The following XKR4 variants were observed in gnomAD, a reference collection of about 807,000 sequenced individuals.
XKR4 encodes XK-related protein 4.
A neutral mutation model predicts 53.9 loss-of-function variants in XKR4; 12 were observed. The ratio of observed to expected loss-of-function variants is 0.22; its 90% CI spans 0.14 to 0.36. The LOEUF (loss-of-function observed/expected upper bound fraction) is 0.36. XKR4 is among the 10% of genes least tolerant of loss of function. The pLI is 1.00. For synonymous variants in XKR4, 354 were observed against 362.4 expected, an observed-to-expected ratio of 0.98 and a Z score of 0.26; for missense variants, 799 against 859.5, an observed-to-expected ratio of 0.93 and a Z score of 0.88.
At chr8:55,147,965 G>C (rs1427664460) in intron 1 of XKR4, among the ~76,000 whole-genome samples, 1 of 152,188 alleles carries the variant, frequency 6.6e-6, no homozygotes, top group Non-Finnish European at 1.5e-5. Context: ...TGGACTCTCA[G>C]TGGGGACAGG....
intron 1 of XKR4, among the ~76,000 whole-genome samples, chr8:55,182,352 T>G (rs1459151700): frequency 1.3e-5 from 2 of 152,146 alleles, no homozygotes; most frequent in Non-Finnish European, 2.9e-5. Context: ...GCATTTCTTT[T>G]ATGGATCACA....
At chr8:55,279,520 G>A (rs939629108) in intron 1 of XKR4, among the ~76,000 whole-genome samples, 2 of 152,164 alleles carry the variant, frequency 1.3e-5, no homozygotes, top group South Asian at 2.1e-4. Flanking sequence ...CCTCTATTTT[G>A]TTATACATCA....
intron 1 of XKR4, among the ~76,000 whole-genome samples, chr8:55,268,505 G>A (rs761197239): frequency 2.6e-5 from 4 of 151,968 alleles, no homozygotes; most frequent in South Asian, 2.1e-4. Flanking sequence ...TAAAAATGCC[G>A]CATTACATAA....
intron 2 of XKR4, among the ~76,000 whole-genome samples, chr8:55,372,361 G>A (rs540418819): frequency 5.3e-5 from 8 of 152,240 alleles, no homozygotes; most frequent in Admixed American, 4.6e-4. Flanking sequence ...TAGCCAGTGT[G>A]GGAACTTAGA....
chr8:55,323,015 G>A (rs1803239401), intron 1 of XKR4, among the ~76,000 whole-genome samples: 1 of 152,052 alleles, frequency 6.6e-6, no homozygotes, highest in African/African-American at 2.4e-5. Flanking sequence ...CATTCAGTAT[G>A]ATGTTTTCTG....
intron 2 of XKR4, among the ~76,000 whole-genome samples, chr8:55,461,671 T>G (rs1805660338): frequency 6.6e-6 from 1 of 152,106 alleles, no homozygotes; most frequent in Non-Finnish European, 1.5e-5. Context: ...AACATCAAAC[T>G]ACTCTGAGCT....
intron 1 of XKR4, among the ~76,000 whole-genome samples, chr8:55,250,862 C>G (rs892522992): frequency 2.0e-5 from 3 of 152,116 alleles, no homozygotes; most frequent in Non-Finnish European, 2.9e-5. Context: ...ACCTTAAAAC[C>G]ATGGAAAACC....
At position 55,102,877 on chromosome 8, in the gene XKR4, T is replaced by C. The variant is rs769955495; in HGVS notation, c.389T>C (p.Val130Ala). 6.2e-7 allele frequency: 1 copy of C among 1,612,198 alleles called. No homozygotes were observed. The highest frequency in any genetic ancestry group is 8.5e-7 in the Non-Finnish European group (1 of 1,179,906). ...TACTTCGCGGACGTGGGCACAGACGTCTGGCTCGCCGTGGACTACTACCTG... is the reference window on the plus strand; with the variant it reads ...TACTTCGCGGACGTGGGCACAGACGCCTGGCTCGCCGTGGACTACTACCTG... ...AVYFADVGTD[V>A]WLAVDYYLRG... The change falls in exon 1 of 3, where the codon GTC (valine) becomes GCC (alanine). Residue 130 changes from valine to alanine, a missense_variant. Physicochemically the swap from Val to Ala is moderately conservative, Grantham distance 64 (BLOSUM62 0). Around this residue, in one of 3 missense-constraint regions of XKR4, gnomAD observed 476 missense variants for 505.4 expected, o/e 0.94. Coordinates refer to ENST00000327381, the MANE Select transcript of XKR4 (RefSeq NM_052898.2). The surrounding 1 kb of genome is among the most constrained non-coding windows in gnomAD (Gnocchi z 5.1).
At chr8:55,342,634 C>T (rs890664153) in intron 1 of XKR4, among the ~76,000 whole-genome samples, 3 of 152,138 alleles carry the variant, frequency 2.0e-5, no homozygotes, top group Admixed American at 6.5e-5. Flanking sequence ...GCCACCTCAA[C>T]GCCTCCTGTT....
chr8:55,423,183 C>T (rs1209746199), intron 2 of XKR4, among the ~76,000 whole-genome samples: 3 of 152,026 alleles, frequency 2.0e-5, no homozygotes, highest in South Asian at 2.1e-4. Context: ...GCAACCTCTA[C>T]CTCCCAGGTT....
chr8:55,139,660 G>A (rs1276598348), intron 1 of XKR4, among the ~76,000 whole-genome samples: 1 of 140,066 alleles, frequency 7.1e-6, no homozygotes, highest in Non-Finnish European at 1.5e-5. Context: ...ATGTTAAAAA[G>A]AGAATAGTAG....
intron 2 of XKR4, among the ~76,000 whole-genome samples, chr8:55,475,602 ATTTATTTATTTATTTATTTG>A (rs1270424852): frequency 8.5e-5 from 11 of 128,758 alleles, no homozygotes; most frequent in Non-Finnish European, 1.7e-4. Flanking sequence ...TTATTTATTT[ATTTATTTATTTATTTATTTG>A]AGATGGAGTC....
chr8:55,206,960 T>G (rs1476396061), intron 1 of XKR4, among the ~76,000 whole-genome samples: 1 of 152,226 alleles, frequency 6.6e-6, no homozygotes, highest in East Asian at 1.9e-4. Context: ...AAGACCACCC[T>G]GCCCCGCGGC....
Position 55,339,779 on chromosome 8 carries a change from T to A in XKR4, c.807-17899T>A, listed in dbSNP as rs560270964. On this transcript the variant is annotated intron_variant, in intron 1 of 2. Coordinates refer to ENST00000327381, the MANE Select transcript of XKR4 (RefSeq NM_052898.2). ...TACTTTAGTTTTAATATTTAATATG[T>A]CATCATGAATCACATTTCCACAAAC... is the stretch of plus-strand genomic sequence containing the variant. Among the ~76,000 whole-genome samples, 40 of 152,340 alleles carry A rather than the reference T, an allele frequency of 2.6e-4. 2 individuals carry two copies. The South Asian group carries it at 7.9e-3, about 30-fold the overall frequency.
intron 1 of XKR4, among the ~76,000 whole-genome samples, chr8:55,289,851 GGAAAGAAAGAA>G (rs1818990937): frequency 7.4e-6 from 1 of 135,706 alleles, no homozygotes. Context: ...AAAGAAAGAA[GGAAAGAAAGAA>G]AGAAAGAAAG....
chr8:55,189,617 C>G (rs1817418806), intron 1 of XKR4, among the ~76,000 whole-genome samples: 1 of 152,176 alleles, frequency 6.6e-6, no homozygotes, highest in Non-Finnish European at 1.5e-5. Flanking sequence ...GCTATAACAT[C>G]ACAATGGCTA....
At chr8:55,286,320 G>A (rs1281197227) in intron 1 of XKR4, among the ~76,000 whole-genome samples, 1 of 152,192 alleles carries the variant, frequency 6.6e-6, no homozygotes, top group Non-Finnish European at 1.5e-5. Flanking sequence ...TGGGAAGAGA[G>A]AAGAGGCAAC....
At chr8:55,457,025 G>GAGA (rs146073937) in intron 2 of XKR4, among the ~76,000 whole-genome samples, 7 of 149,520 alleles carry the variant, frequency 4.7e-5, no homozygotes, top group African/African-American at 1.7e-4. Flanking sequence ...CTTGAAAAAA[G>GAGA]AAAAAAATGA....
rs547650510 is a variant in XKR4 at position 55,435,000 on chromosome 8, G to T, written c.1006+77123G>T. On this transcript the variant is annotated intron_variant, in intron 2 of 2. Transcript: ENST00000327381. ...GAGTTCACTACACACACACAAGCAT[G>T]CCTGCAGTCACTTCTGAAAGTCTAA... is the stretch of plus-strand genomic sequence containing the variant. 3.3e-4 allele frequency among the ~76,000 whole-genome samples: 50 copies of T among 152,232 alleles called. No homozygotes were observed. The South Asian group carries it at 0.01, about 32-fold the overall frequency.
Sources: allele counts gnomAD v4.1 joint callset (sites outside exome capture counted in the v4.1 genomes callset), GRCh38; gene constraint gnomAD v4.1.1; regional missense constraint gnomAD v4.1.1; non-coding constraint Gnocchi (gnomAD v3.1); transcripts MANE v1.5; gene names NCBI Gene and HGNC (gene_info 2026-07-23, HGNC 2026-07-21).